The following CSMD1 variants were observed in gnomAD, a reference collection of about 807,000 sequenced individuals.
The protein encoded by CSMD1 is CUB and sushi domain-containing protein 1.
CSMD1 carries 213 observed loss-of-function variants against 417.5 expected under a neutral mutation model. That is an observed-to-expected ratio of 0.51 (90% confidence interval 0.46 to 0.57). CSMD1 has a LOEUF of 0.57. Ranked by LOEUF, CSMD1 falls within the 20% of genes least tolerant of loss-of-function variation. CSMD1 has a pLI of 0.00. For missense variants in CSMD1, 6,923 were observed against 4,529.7 expected, an observed-to-expected ratio of 1.53 and a Z score of -15.17; for synonymous variants, 2,862 against 1,736.8, an observed-to-expected ratio of 1.65 and a Z score of -16.11.
chr8:3,303,643 A>G (rs1804584776), intron 25 of CSMD1, among the ~76,000 whole-genome samples: 1 of 152,232 alleles, frequency 6.6e-6, no homozygotes, highest in African/African-American at 2.4e-5. Flanking sequence ...AAAGCTTAGG[A>G]ACAGTGTACA....
At chr8:4,466,840 G>A (rs911926374) in intron 2 of CSMD1, among the ~76,000 whole-genome samples, 3 of 152,046 alleles carry the variant, frequency 2.0e-5, no homozygotes, top group Non-Finnish European at 4.4e-5. Flanking sequence ...GAGAGCAGGG[G>A]AAACATTATT....
At chr8:3,209,947 G>A (rs544808798) in intron 30 of CSMD1, among the ~76,000 whole-genome samples, 1 of 152,194 alleles carries the variant, frequency 6.6e-6, no homozygotes, top group Non-Finnish European at 1.5e-5. Flanking sequence ...CATGAAAGGG[G>A]CTCAACTTTG....
At chr8:4,076,807 G>A (rs761942866) in intron 3 of CSMD1, among the ~76,000 whole-genome samples, 2 of 152,138 alleles carry the variant, frequency 1.3e-5, no homozygotes, top group Non-Finnish European at 2.9e-5. Context: ...ACACCATCAC[G>A]CAAGGCCAGC....
At chr8:4,446,648 G>C (rs1585089489) in intron 2 of CSMD1, among the ~76,000 whole-genome samples, 1 of 152,036 alleles carries the variant, frequency 6.6e-6, no homozygotes, top group South Asian at 2.1e-4. Flanking sequence ...CTGCCTCCTA[G>C]ATTTGAGCCA....
chr8:3,238,303 T>C lies in CSMD1; in HGVS notation c.4154-8072A>G, dbSNP rs530557772. Among the ~76,000 whole-genome samples the C allele has an allele frequency of 1.8e-3, 274 of 152,162 alleles. 1 individual carries two copies. The highest frequency in any genetic ancestry group is 6.3e-3 in the African/African-American group (263 of 41,514). ...CAGGAACAGGCCATTTTCACTTCTT[T>C]TGTGGTGGAATGTCATCAGTTAAGG... On this transcript the variant is annotated intron_variant, in intron 26 of 69. Transcript: ENST00000635120.
chr8:4,032,693 C>G (rs1467271271), intron 3 of CSMD1, among the ~76,000 whole-genome samples: 1 of 152,148 alleles, frequency 6.6e-6, no homozygotes, highest in South Asian at 2.1e-4. Flanking sequence ...AGGCCAGCAG[C>G]CAGGCTCTGT....
At chr8:4,575,711 A>C (rs1361744841) in intron 2 of CSMD1, among the ~76,000 whole-genome samples, 1 of 152,224 alleles carries the variant, frequency 6.6e-6, no homozygotes, top group African/African-American at 2.4e-5. Context: ...TATGTTAATA[A>C]ATTTACATGA....
chr8:4,807,733 G>T (rs947377681), intron 1 of CSMD1, among the ~76,000 whole-genome samples: 2 of 152,082 alleles, frequency 1.3e-5, no homozygotes, highest in Non-Finnish European at 2.9e-5. Context: ...ACTACCTGTA[G>T]TCTTCTGTTA....
intron 2 of CSMD1, among the ~76,000 whole-genome samples, chr8:4,621,148 T>C (rs1320208739): frequency 6.6e-6 from 1 of 152,086 alleles, no homozygotes; most frequent in Non-Finnish European, 1.5e-5. Context: ...TGGGATTTCT[T>C]TTTTCGAATT....
rs568829509 is a variant in CSMD1 at position 3,454,071 on chromosome 8, CTTCT to C, written c.1561+14637_1561+14640del. ...GATCCCTTTACCATTATGTAATGGC[CTTCT>C]TTGTCTCTTTTGATCTTTGTTGGTT... On this transcript the variant is annotated intron_variant, in intron 12 of 69. Coordinates refer to ENST00000635120, the MANE Select transcript of CSMD1 (RefSeq NM_033225.6). 2.5e-3 allele frequency among the ~76,000 whole-genome samples: 386 copies of C among 152,160 alleles called. 3 individuals carry two copies. The highest frequency in any genetic ancestry group is 0.01 in the Middle Eastern group (3 of 294).
At chr8:4,917,195 G>A (rs1806123756) in intron 1 of CSMD1, among the ~76,000 whole-genome samples, 1 of 152,150 alleles carries the variant, frequency 6.6e-6, no homozygotes, top group African/African-American at 2.4e-5. Context: ...AGTGGGAGGT[G>A]CTACACACTT....
intron 10 of CSMD1, among the ~76,000 whole-genome samples, chr8:3,525,183 T>G (rs1236125010): frequency 6.6e-6 from 1 of 152,158 alleles, no homozygotes; most frequent in Non-Finnish European, 1.5e-5. Flanking sequence ...GTGTTCTGTG[T>G]GAGACTCAGC....
intron 26 of CSMD1, among the ~76,000 whole-genome samples, chr8:3,230,836 A>G (rs1277219959): frequency 1.3e-5 from 2 of 152,178 alleles, no homozygotes; most frequent in African/African-American, 2.4e-5. Context: ...CCACCCTAAT[A>G]TTAACAAAAG....
At chr8:3,457,306 G>A (rs1159408144) in intron 12 of CSMD1, among the ~76,000 whole-genome samples, 2 of 152,038 alleles carry the variant, frequency 1.3e-5, no homozygotes, top group Non-Finnish European at 2.9e-5. Context: ...TACACTCCCT[G>A]ACCTTCAGCT....
At chr8:3,288,418 C>A (rs979650544) in intron 25 of CSMD1, among the ~76,000 whole-genome samples, 2 of 147,112 alleles carry the variant, frequency 1.4e-5, no homozygotes, top group Non-Finnish European at 2.9e-5. Context: ...GGCTGTGAAT[C>A]CATCTGGTCC....
At chr8:4,079,580 A>G (rs1800014699) in intron 3 of CSMD1, among the ~76,000 whole-genome samples, 1 of 152,234 alleles carries the variant, frequency 6.6e-6, no homozygotes. Flanking sequence ...TTAAAGTAAA[A>G]ACACTTTATT....
At chr8:3,652,980 A>C (rs896131842) in intron 7 of CSMD1, among the ~76,000 whole-genome samples, 4 of 152,184 alleles carry the variant, frequency 2.6e-5, no homozygotes, top group Non-Finnish European at 5.9e-5. Context: ...AAGTATAATT[A>C]GCATTGTCTG....
chr8:4,022,993 G>C (rs1026617712), intron 4 of CSMD1, among the ~76,000 whole-genome samples: 1 of 152,204 alleles, frequency 6.6e-6, no homozygotes, highest in Non-Finnish European at 1.5e-5. Flanking sequence ...GCAAAGATGG[G>C]ACAGTCTTTT....
At chr8:3,827,105 A>C (rs986620504) in intron 5 of CSMD1, among the ~76,000 whole-genome samples, 1 of 152,170 alleles carries the variant, frequency 6.6e-6, no homozygotes, top group African/African-American at 2.4e-5. Context: ...TCTCTATTTT[A>C]GATGTAAAAA....
Sources: gnomAD v4.1 joint callset for allele counts (sites outside exome capture counted in the v4.1 genomes callset) on GRCh38, gnomAD v4.1.1 for gene constraint, MANE v1.5 for transcripts, NCBI Gene and HGNC (gene_info 2026-07-23, HGNC 2026-07-21) for gene names.